The following MEIS1 variants were observed in gnomAD, a reference collection of about 807,000 sequenced individuals.
MEIS1 encodes the protein homeobox protein Meis1.
A neutral mutation model predicts 50.8 loss-of-function variants in MEIS1; 5 were observed. The ratio of observed to expected loss-of-function variants is 0.10; its 90% CI spans 0.05 to 0.21. The LOEUF is 0.21. Ranked by LOEUF, MEIS1 falls within the 10% of genes least tolerant of loss-of-function variation. The probability of loss-of-function intolerance (pLI) is 1.00; values close to 1 mark genes in which losing one functional copy is unlikely to be tolerated. For synonymous variants in MEIS1, 176 were observed against 179.3 expected (o/e 0.98, Z 0.15); for missense variants, 318 against 517.3 (o/e 0.61, Z 3.74).
At chr2:66,536,724 G>A (rs1323314447) in intron 8 of MEIS1, among the ~76,000 whole-genome samples, 3 of 152,292 alleles carry the variant, frequency 2.0e-5, no homozygotes, top group Admixed American at 2.0e-4. Flanking sequence ...ATAAACAGCA[G>A]CTAAGTGGGT....
intron 8 of MEIS1, among the ~76,000 whole-genome samples, chr2:66,516,893 G>T (rs1673985252): frequency 1.3e-5 from 2 of 152,162 alleles, no homozygotes; most frequent in African/African-American, 4.8e-5. Flanking sequence ...CATTTTGGAA[G>T]AATTATTCTG....
intron 2 of MEIS1, chr2:66,439,518 G>T: frequency 6.7e-7 from 1 of 1,482,010 alleles, no homozygotes; most frequent in Non-Finnish European, 8.9e-7. Flanking sequence ...GGGCTTGTCG[G>T]GTGGGAAACT....
intron 8 of MEIS1, among the ~76,000 whole-genome samples, chr2:66,531,222 A>G (rs574643619): frequency 6.6e-6 from 1 of 152,322 alleles, no homozygotes; most frequent in South Asian, 2.1e-4. Context: ...CTGCTCCAGA[A>G]GAGTCTACTG....
intron 7 of MEIS1, 66 bp downstream of exon 7, chr2:66,464,286 C>T (rs1672586159): frequency 4.8e-6 from 6 of 1,252,438 alleles, no homozygotes; most frequent in South Asian, 1.3e-5. Context: ...TCAGAAATGT[C>T]TAGTGAGTTA....
chr2:66,563,254 A>AT (rs1675261995), intron 9 of MEIS1, among the ~76,000 whole-genome samples: 1 of 152,156 alleles, frequency 6.6e-6, no homozygotes, highest in African/African-American at 2.4e-5. Flanking sequence ...ATGTATTTGT[A>AT]TTTTATCTCA....
intron 9 of MEIS1, among the ~76,000 whole-genome samples, chr2:66,558,279 C>CAAAAAA (rs59017279): frequency 2.2e-3 from 128 of 57,042 alleles, no homozygotes; most frequent in East Asian, 4.0e-3. Context: ...AACTCCATCT[C>CAAAAAA]AAAAAAAAAA....
intron 7 of MEIS1, among the ~76,000 whole-genome samples, chr2:66,479,800 G>A (rs1259406163): frequency 6.6e-6 from 1 of 152,164 alleles, no homozygotes; most frequent in Non-Finnish European, 1.5e-5. Flanking sequence ...TTTGAATCAA[G>A]AAGCCCCGGG....
intron 6 of MEIS1, among the ~76,000 whole-genome samples, chr2:66,450,398 A>T (rs527792325): frequency 6.6e-6 from 1 of 152,258 alleles, no homozygotes; most frequent in South Asian, 2.1e-4. Context: ...ACTTGTGCTG[A>T]GGAGCTGCCA....
chr2:66,535,241 C>T (rs921684432), intron 8 of MEIS1, among the ~76,000 whole-genome samples: 1 of 152,106 alleles, frequency 6.6e-6, no homozygotes. Context: ...TTTGTTTTCT[C>T]TTGTATAGAA....
intron 5 of MEIS1, among the ~76,000 whole-genome samples, chr2:66,442,270 TAAAAAAAAAAA>T (rs11292294): frequency 1.7e-5 from 2 of 114,566 alleles, no homozygotes; most frequent in African/African-American, 3.1e-5. Context: ...CTCCTTTTTG[TAAAAAAAAAAA>T]AAAAAAAAAA....
At chr2:66,475,137 CAT>C (rs3086707) in intron 7 of MEIS1, among the ~76,000 whole-genome samples, 45,325 of 144,108 alleles carry the variant, frequency 0.31, 9,637 homozygotes, top group African/African-American at 0.61. Flanking sequence ...TATATATACA[CAT>C]ATATATATAT....
chr2:66,482,271 G>A (rs1208186458), intron 7 of MEIS1, among the ~76,000 whole-genome samples: 1 of 152,100 alleles, frequency 6.6e-6, no homozygotes, highest in Non-Finnish European at 1.5e-5. Context: ...TTCAGATTCT[G>A]AAATGTGCCC....
intron 8 of MEIS1, among the ~76,000 whole-genome samples, chr2:66,523,861 A>G (rs1253091176): frequency 6.6e-6 from 1 of 152,174 alleles, no homozygotes; most frequent in African/African-American, 2.4e-5. Context: ...GAGAAGGCAG[A>G]CCTTATTTGG....
intron 8 of MEIS1, among the ~76,000 whole-genome samples, chr2:66,535,133 G>A (rs1023487191): frequency 1.3e-5 from 2 of 152,058 alleles, no homozygotes; most frequent in Admixed American, 6.6e-5. Flanking sequence ...AGCTTCAGTA[G>A]AGTGTAAAGA....
At chr2:66,472,679 A>G (rs969005614) in intron 7 of MEIS1, among the ~76,000 whole-genome samples, 5 of 152,182 alleles carry the variant, frequency 3.3e-5, no homozygotes, top group African/African-American at 1.2e-4. Context: ...CGTGGTGGGT[A>G]TTAGGTTCAA....
At chr2:66,569,377 A>G in intron 12 of MEIS1, 3 of 291,448 alleles carry the variant, frequency 1.0e-5, no homozygotes, top group South Asian at 6.8e-5. Context: ...TACTGACCAC[A>G]TGACAAAACA....
chr2:66,441,333 T>G (rs564739714), intron 4 of MEIS1, 81 bp from the exon 5 acceptor site: 2 of 1,211,872 alleles, frequency 1.7e-6, no homozygotes, highest in African/African-American at 3.2e-5. Context: ...TGGGAGGGGG[T>G]GGGCTGGAGA....
intron 7 of MEIS1, among the ~76,000 whole-genome samples, chr2:66,503,005 T>C (rs1245870363): frequency 1.3e-5 from 2 of 152,194 alleles, no homozygotes; most frequent in Admixed American, 1.3e-4. Context: ...GGACAACTTA[T>C]CAATTCATGT....
chr2:66,527,631 TGTGTGTGTGTTG>T (rs1674286492), intron 8 of MEIS1, among the ~76,000 whole-genome samples: 1 of 149,920 alleles, frequency 6.7e-6, no homozygotes, highest in South Asian at 2.1e-4. Context: ...TGTGTGTGTG[TGTGTGTGTGTTG>T]GGGGGGAGAC....
Sources: allele counts gnomAD v4.1 joint callset (sites outside exome capture counted in the v4.1 genomes callset), GRCh38; gene constraint gnomAD v4.1.1; transcripts MANE v1.5; gene names NCBI Gene and HGNC (gene_info 2026-07-23, HGNC 2026-07-21).